Variants in AGPAT4 observed in about 807,000 individuals in gnomAD.
AGPAT4 encodes the protein 1-acylglycerol-3-phosphate O-acyltransferase 4, also known as 1-acyl-sn-glycerol-3-phosphate acyltransferase delta.
A neutral mutation model predicts 48.0 loss-of-function variants in AGPAT4; 15 were observed. The observed-to-expected ratio is 0.31, with a 90% CI of 0.21 to 0.48. The LOEUF (loss-of-function observed/expected upper bound fraction) is 0.48. Ranked by LOEUF, AGPAT4 falls within the 20% of genes least tolerant of loss-of-function variation. The pLI, the probability that AGPAT4 is intolerant of heterozygous loss-of-function variation, is 0.99. For synonymous variants in AGPAT4, 178 were observed against 198.7 expected, an observed-to-expected ratio of 0.90 and a Z score of 0.88; for missense variants, 314 against 482.5, an observed-to-expected ratio of 0.65 and a Z score of 3.27.
At position 161,178,022 on chromosome 6, in the gene AGPAT4, A is replaced by G. The variant is rs776270892; in HGVS notation, c.179-11605T>C. 5.3e-5 allele frequency among the ~76,000 whole-genome samples: 8 copies of G among 152,222 alleles called. No homozygotes were observed. Among genetic ancestry groups the G allele is most frequent in the Non-Finnish European group, 8.8e-5 (6 of 68,032 alleles). ...ATCCTTCCTCTGAAAGCTTCGTCTC[A>G]GAGGGGCACCTGACTGTATGTGGTG... On this transcript the variant is annotated intron_variant, in intron 2 of 8. Transcript: ENST00000320285. This position sits in a 1 kb window ranked among gnomAD's most constrained non-coding sequence, Gnocchi z 5.1.
rs554610151 is a variant in AGPAT4 at position 161,219,872 on chromosome 6, TAGGCAGGC to T, written c.178+12156_178+12163del. On this transcript the variant is annotated intron_variant, in intron 2 of 8. Coordinates refer to ENST00000320285, the MANE Select transcript of AGPAT4 (RefSeq NM_020133.3). The surrounding 1 kb of genome is among the most constrained non-coding windows in gnomAD (Gnocchi z 4.9). Reference sequence around the variant, plus strand: ...ATAGATAGATAGATAGATAGATAGATAGGCAGGCAGGCAGGCAGGCAGGCAGGCAGGCA... The same window carrying T: ...ATAGATAGATAGATAGATAGATAGATAGGCAGGCAGGCAGGCAGGCAGGCA... Among the ~76,000 whole-genome samples, 1,394 of 120,594 alleles carry T rather than the reference TAGGCAGGC, an allele frequency of 0.012. 26 individuals are homozygous for T. Among genetic ancestry groups the T allele is most frequent in the South Asian group, 0.015 (47 of 3,132 alleles). The allele number at this position is 120,594 out of a possible 152,430, so 79.1% of individuals were successfully genotyped here. A position where few individuals can be genotyped will look rare whatever the true frequency, so the allele number is the denominator to read the frequency against.
At position 161,240,345 on chromosome 6, in the gene AGPAT4, C is replaced by T. The variant is rs556841377; in HGVS notation, c.-89-8043G>A. On this transcript the variant is annotated intron_variant, in intron 1 of 8. Coordinates refer to ENST00000320285, the MANE Select transcript of AGPAT4 (RefSeq NM_020133.3). This position sits in a 1 kb window ranked among gnomAD's most constrained non-coding sequence, Gnocchi z 5.5. The stretch of plus-strand genomic sequence containing the variant: ...CAGCATCTTTATCCTTAGGAAGAAA[C>T]TGACAAGGTGCACTCCAAGATCCCT... Among the ~76,000 whole-genome samples, 2 of 152,108 alleles carry T rather than the reference C, an allele frequency of 1.3e-5. No homozygotes were observed. The highest frequency in any genetic ancestry group is 4.8e-5 in the African/African-American group (2 of 41,492).
chr6:161,160,641 G>A (rs1455516730), intron 3 of AGPAT4: 4 of 244,368 alleles, frequency 1.6e-5, no homozygotes, highest in Non-Finnish European at 3.3e-5. Flanking sequence ...GTGCAGGCTT[G>A]AAGCAGCAGG....
In AGPAT4 at chr6:161,262,205, C is replaced by G. The variant is rs919841019; in HGVS notation, c.-90+11733G>C. Among the ~76,000 whole-genome samples, 7 of 151,944 alleles carry G rather than the reference C, an allele frequency of 4.6e-5. No individual in the cohort carries two copies. Among genetic ancestry groups the G allele is most frequent in the Non-Finnish European group, 1.0e-4 (7 of 67,956 alleles). Reference sequence around the variant, plus strand: ...TCTCAGCCCATAATCATTTATAGAACTTAAAAAAAAATGAGCCTGAATTGG... The same window carrying G: ...TCTCAGCCCATAATCATTTATAGAAGTTAAAAAAAAATGAGCCTGAATTGG... On this transcript the variant is annotated intron_variant, in intron 1 of 8. Transcript: ENST00000320285. The surrounding 1 kb of genome is among the most constrained non-coding windows in gnomAD (Gnocchi z 4.9).
chr6:161,196,952 G>T lies in AGPAT4; in HGVS notation c.179-30535C>A, dbSNP rs964823575. On this transcript the variant is annotated intron_variant, in intron 2 of 8. Transcript: ENST00000320285. This position sits in a 1 kb window ranked among gnomAD's most constrained non-coding sequence, Gnocchi z 4.3. Reference sequence around the variant, plus strand: ...TTACTGGGTGCCCGGAACTGCTCCAGGCACTGGGGAAGTCAGCTGTGAACA... The same window carrying T: ...TTACTGGGTGCCCGGAACTGCTCCATGCACTGGGGAAGTCAGCTGTGAACA... Among the ~76,000 whole-genome samples, 2 of 152,134 alleles carry T rather than the reference G, an allele frequency of 1.3e-5. No homozygotes were observed. The highest frequency in any genetic ancestry group is 4.8e-5 in the African/African-American group (2 of 41,428).
At position 161,217,424 on chromosome 6, in the gene AGPAT4, CTG is replaced by C. The variant is rs1336644232; in HGVS notation, c.178+14610_178+14611del. 6.6e-6 allele frequency among the ~76,000 whole-genome samples: 1 copy of C among 152,098 alleles called. No individual in the cohort carries two copies. Among genetic ancestry groups the C allele is most frequent in the African/African-American group, 2.4e-5 (1 of 41,412 alleles). Reference sequence around the variant, plus strand: ...CATTGGGAGAGGCTGTGGTGGAGACCTGTGTTAACAGCCTGTCACAACGTTGC... The same window carrying C: ...CATTGGGAGAGGCTGTGGTGGAGACCTGTTAACAGCCTGTCACAACGTTGC... On this transcript the variant is annotated intron_variant, in intron 2 of 8. Transcript: ENST00000320285. This position sits in a 1 kb window ranked among gnomAD's most constrained non-coding sequence, Gnocchi z 4.9.
Position 161,137,735 on chromosome 6 carries a change from T to G in AGPAT4, c.1043-1101A>C, listed in dbSNP as rs188106629. Among the ~76,000 whole-genome samples, 291 of 152,248 alleles carry G rather than the reference T, an allele frequency of 1.9e-3. 1 individual carries two copies. The highest frequency in any genetic ancestry group is 6.7e-3 in the African/African-American group (279 of 41,522). ...CGGCAGTCAGCTCCTCAGATGCTCC[T>G]GGAGACGCCGTGTCCACACTGCACC... is the stretch of plus-strand genomic sequence containing the variant. On this transcript the variant is annotated intron_variant, in intron 8 of 8. Transcript: ENST00000320285. This position sits in a 1 kb window ranked among gnomAD's most constrained non-coding sequence, Gnocchi z 6.1.
chr6:161,178,038 G>A lies in AGPAT4; in HGVS notation c.179-11621C>T, dbSNP rs573667068. ...CTTCGTCTCAGAGGGGCACCTGACT[G>A]TATGTGGTGTCAAATGGCCCCTACT... On this transcript the variant is annotated intron_variant, in intron 2 of 8. Coordinates refer to ENST00000320285, the MANE Select transcript of AGPAT4 (RefSeq NM_020133.3). This position sits in a 1 kb window ranked among gnomAD's most constrained non-coding sequence, Gnocchi z 5.1. 2.0e-5 allele frequency among the ~76,000 whole-genome samples: 3 copies of A among 152,192 alleles called. No individual in the cohort carries two copies. The highest frequency in any genetic ancestry group is 7.2e-5 in the African/African-American group (3 of 41,454).
In AGPAT4 at chr6:161,225,118, C is replaced by A. The variant is rs531574566; in HGVS notation, c.178+6918G>T. 1.1e-4 allele frequency among the ~76,000 whole-genome samples: 16 copies of A among 150,394 alleles called. No individual in the cohort carries two copies. Among genetic ancestry groups the A allele is most frequent in the Non-Finnish European group, 1.8e-4 (12 of 67,946 alleles). On this transcript the variant is annotated intron_variant, in intron 2 of 8. Transcript: ENST00000320285. This position sits in a 1 kb window ranked among gnomAD's most constrained non-coding sequence, Gnocchi z 5.0. Reference sequence around the variant, plus strand: ...ATTACCTGCTCTACCCAGACTCATTCGGATTACCTGCTCCACCCTGACTCC... The same window carrying A: ...ATTACCTGCTCTACCCAGACTCATTAGGATTACCTGCTCCACCCTGACTCC...
chr6:161,164,594 C>A lies in AGPAT4; in HGVS notation c.348+1654G>T, dbSNP rs573221823. Among the ~76,000 whole-genome samples, 99 of 152,314 alleles carry A rather than the reference C, an allele frequency of 6.5e-4. No individual in the cohort carries two copies. The highest frequency in any genetic ancestry group is 2.2e-3 in the African/African-American group (93 of 41,578). On this transcript the variant is annotated intron_variant, in intron 3 of 8. Coordinates refer to ENST00000320285, the MANE Select transcript of AGPAT4 (RefSeq NM_020133.3). This position sits in a 1 kb window ranked among gnomAD's most constrained non-coding sequence, Gnocchi z 7.4. Reference sequence around the variant, plus strand: ...GGGGAAAGAGCAGAAGCTTTGAAAGCAGACTTAGGAGCTATTGTCCTCGGG... The same window carrying A: ...GGGGAAAGAGCAGAAGCTTTGAAAGAAGACTTAGGAGCTATTGTCCTCGGG...
At chr6:161,170,176 C>T (rs1367070326) in intron 2 of AGPAT4, among the ~76,000 whole-genome samples, 2 of 152,160 alleles carry the variant, frequency 1.3e-5, no homozygotes, top group East Asian at 1.9e-4. Flanking sequence ...TTATATCCAT[C>T]GCCCCTTCCT....
In AGPAT4 at chr6:161,244,341, A is replaced by G. The variant is rs1782589122; in HGVS notation, c.-89-12039T>C. Among the ~76,000 whole-genome samples the G allele has an allele frequency of 1.3e-5, 2 of 152,200 alleles. No individual in the cohort carries two copies. Among genetic ancestry groups the G allele is most frequent in the Non-Finnish European group, 1.5e-5 (1 of 68,026 alleles). ...TCCTACATCACCAGCAAATCATGGC[A>G]CCAAAGAAGACTTTTTAATAAAATC... is the stretch of plus-strand genomic sequence containing the variant. On this transcript the variant is annotated intron_variant, in intron 1 of 8. Coordinates refer to ENST00000320285, the MANE Select transcript of AGPAT4 (RefSeq NM_020133.3). The surrounding 1 kb of genome is among the most constrained non-coding windows in gnomAD (Gnocchi z 4.7).
intron 1 of AGPAT4, among the ~76,000 whole-genome samples, chr6:161,265,190 G>A (rs1783216478): frequency 9.8e-6 from 1 of 101,710 alleles, no homozygotes; most frequent in Non-Finnish European, 1.9e-5. Context: ...CGCTGGACTG[G>A]GTGCTGGATT....
chr6:161,156,120 A>T (rs1398012638), intron 3 of AGPAT4, among the ~76,000 whole-genome samples: 1 of 152,222 alleles, frequency 6.6e-6, no homozygotes, highest in African/African-American at 2.4e-5. Flanking sequence ...GTCACCTGGG[A>T]TGGGAGTCTC....
chr6:161,130,605 T>C lies in AGPAT4; in HGVS notation c.*5935A>G, dbSNP rs1204309042. 1 of 246,426 alleles carries C rather than the reference T, an allele frequency of 4.1e-6. No individual in the cohort carries two copies. Among genetic ancestry groups the C allele is most frequent in the Non-Finnish European group, 8.4e-6 (1 of 119,108 alleles). The allele number at this position is 246,426 out of a possible 1,614,324, so 15.3% of individuals were successfully genotyped here. ...GACCTGAACCGGGTGTGTTCCACCC[T>C]TGCCCATGGTTAGATCTCTTTCCTT... On this transcript the variant is annotated 3_prime_UTR_variant, in exon 9 of 9. Coordinates refer to ENST00000320285, the MANE Select transcript of AGPAT4 (RefSeq NM_020133.3).
Position 161,198,941 on chromosome 6 carries a change from C to T in AGPAT4, c.179-32524G>A, listed in dbSNP as rs1368983256. Reference sequence around the variant, plus strand: ...TATATGTCAGAATTACTGCTGATATCGATTCCTTTTTTGAAGCCCTAAGAT... The same window carrying T: ...TATATGTCAGAATTACTGCTGATATTGATTCCTTTTTTGAAGCCCTAAGAT... On this transcript the variant is annotated intron_variant, in intron 2 of 8. Transcript: ENST00000320285. This position sits in a 1 kb window ranked among gnomAD's most constrained non-coding sequence, Gnocchi z 4.3. Among the ~76,000 whole-genome samples, 2 of 152,114 alleles carry T rather than the reference C, an allele frequency of 1.3e-5. No homozygotes were observed. The highest frequency in any genetic ancestry group is 1.9e-4 in the East Asian group (1 of 5,190).
At position 161,146,873 on chromosome 6, in the gene AGPAT4, C is replaced by T. The variant is rs112074287; in HGVS notation, c.768-274G>A. ...AGAACAGGGGACACCTGCCTCATTC[C>T]GTCTTCCCTCCCACCTCACAAAAAG... On this transcript the variant is annotated intron_variant, in intron 6 of 8. Coordinates refer to ENST00000320285, the MANE Select transcript of AGPAT4 (RefSeq NM_020133.3). This position sits in a 1 kb window ranked among gnomAD's most constrained non-coding sequence, Gnocchi z 7.1. Among the ~76,000 whole-genome samples, 49 of 152,274 alleles carry T rather than the reference C, an allele frequency of 3.2e-4. No individual in the cohort carries two copies. Among genetic ancestry groups the T allele is most frequent in the African/African-American group, 7.0e-4 (29 of 41,564 alleles).
At position 161,166,824 on chromosome 6, in the gene AGPAT4, G is replaced by A. The variant is rs749679016; in HGVS notation, c.179-407C>T. ...TGGGATACTTATAAACTCCATCAAA[G>A]AATATTAAATACCCAACTTTCCTCT... On this transcript the variant is annotated intron_variant, in intron 2 of 8. Transcript: ENST00000320285. The surrounding 1 kb of genome is among the most constrained non-coding windows in gnomAD (Gnocchi z 6.7). Among the ~76,000 whole-genome samples the A allele has an allele frequency of 3.3e-5, 5 of 152,084 alleles. No homozygotes were observed. Among genetic ancestry groups the A allele is most frequent in the South Asian group, 2.1e-4 (1 of 4,826 alleles).
chr6:161,260,655 CAAAAAAAAAAAAA>C (rs377444402), intron 1 of AGPAT4, among the ~76,000 whole-genome samples: 3 of 45,668 alleles, frequency 6.6e-5, no homozygotes, highest in South Asian at 1.4e-3. Flanking sequence ...GACTACGTCT[CAAAAAAAAAAAAA>C]AAAAAAAAAA....
Sources: gnomAD v4.1 joint callset for allele counts (sites outside exome capture counted in the v4.1 genomes callset) on GRCh38, gnomAD v4.1.1 for gene constraint, Gnocchi (gnomAD v3.1) non-coding constraint, MANE v1.5 for transcripts, NCBI Gene and HGNC (gene_info 2026-07-23, HGNC 2026-07-21) for gene names.